The following C2orf76 variants were observed in gnomAD, a reference collection of about 807,000 sequenced individuals.
C2orf76 encodes UPF0538 protein C2orf76.
C2orf76 carries 23 observed loss-of-function variants against 16.9 expected under a neutral mutation model. That is an observed-to-expected ratio of 1.36 (90% CI 0.98 to 1.93). The LOEUF is 1.93. Ranked by LOEUF, C2orf76 falls within the 30% of genes most tolerant of loss-of-function variation. The pLI is 0.00. For missense variants in C2orf76, 152 were observed against 152.6 expected, an observed-to-expected ratio of 1.00 and a Z score of 0.02; for synonymous variants, 48 against 52.3, an observed-to-expected ratio of 0.92 and a Z score of 0.35.
At chr2:119,335,956 C>T (rs921599579) in intron 2 of C2orf76, among the ~76,000 whole-genome samples, 3 of 151,964 alleles carry the variant, frequency 2.0e-5, no homozygotes, top group South Asian at 2.1e-4. Flanking sequence ...TAGTAAGAAT[C>T]GAAATGCTTG....
Position 119,355,636 on chromosome 2 carries a change from C to G in C2orf76, c.-13+11154G>C, listed in dbSNP as rs1368377099. On this transcript the variant is annotated intron_variant, in intron 1 of 5. Transcript: ENST00000334816. Reference sequence around the variant, plus strand: ...ATTAGATTCTCATAGGAGCGTGAACCCTATTGTGAACTGAGCATATGAGGG... The same window carrying G: ...ATTAGATTCTCATAGGAGCGTGAACGCTATTGTGAACTGAGCATATGAGGG... Among the ~76,000 whole-genome samples the G allele has an allele frequency of 2.0e-5, 3 of 152,086 alleles. No individual in the cohort carries two copies. In the South Asian group the frequency reaches 6.2e-4, roughly 32 times the overall value.
At chr2:119,302,076 G>A (rs1185361897), downstream of C2orf76, 1 of 153,014 alleles carries the variant, frequency 6.5e-6, no homozygotes, top group Non-Finnish European at 1.5e-5. Flanking sequence ...GACAGAAACA[G>A]TTGCTCTAAT....
the C2orf76 span, among the ~76,000 whole-genome samples, chr2:119,284,894 T>G: frequency 2.0e-5 from 3 of 152,154 alleles, no homozygotes; most frequent in Non-Finnish European, 2.9e-5. Context: ...GTGAAAAACC[T>G]CTAAAATTTG....
chr2:119,345,511 A>C (rs1680169009), intron 1 of C2orf76, among the ~76,000 whole-genome samples: 1 of 152,210 alleles, frequency 6.6e-6, no homozygotes, highest in Admixed American at 6.5e-5. Flanking sequence ...ATTCACCCTG[A>C]GAAGAGAATC....
chr2:119,301,076 A>AAAAC (rs373214957), downstream of C2orf76, among the ~76,000 whole-genome samples: 102 of 146,238 alleles, frequency 7.0e-4, no homozygotes, highest in African/African-American at 2.5e-3. Flanking sequence ...ACTTCTTAAA[A>AAAAC]ACACACACAC....
At chr2:119,317,560 A>T (rs1679211314) in intron 3 of C2orf76, 57 bp from the exon 4 acceptor site, 1 of 1,411,206 alleles carries the variant, frequency 7.1e-7, no homozygotes, top group Admixed American at 1.8e-5. Flanking sequence ...TTCTTTTCAA[A>T]TTATTAAAAT....
At chr2:119,316,502 A>T (rs1679177776) in intron 4 of C2orf76, among the ~76,000 whole-genome samples, 2 of 152,252 alleles carry the variant, frequency 1.3e-5, no homozygotes, top group African/African-American at 4.8e-5. Context: ...TTTTTAAATA[A>T]CATAAATTTT....
At chr2:119,349,025 G>A (rs1484197625) in intron 1 of C2orf76, among the ~76,000 whole-genome samples, 1 of 152,178 alleles carries the variant, frequency 6.6e-6, no homozygotes, top group Admixed American at 6.5e-5. Context: ...AAAATTGCCT[G>A]TGTACAGTAT....
chr2:119,362,741 A>C (rs138406692), intron 1 of C2orf76, among the ~76,000 whole-genome samples: 1,552 of 152,220 alleles, frequency 0.01, 26 homozygotes, highest in Non-Finnish European at 0.011. Context: ...AGCCTAGGAT[A>C]CTTCCCTATC....
intron 5 of C2orf76, among the ~76,000 whole-genome samples, chr2:119,309,690 G>C (rs1053818327): frequency 5.9e-5 from 9 of 152,002 alleles, no homozygotes; most frequent in Admixed American, 4.6e-4. Context: ...CAAAGTGCTG[G>C]GATTATAGGC....
intron 4 of C2orf76, among the ~76,000 whole-genome samples, chr2:119,312,930 A>C (rs1267302373): frequency 1.3e-5 from 2 of 151,738 alleles, no homozygotes; most frequent in African/African-American, 2.4e-5. Flanking sequence ...CAGGAGGCTG[A>C]GGCAGGAGAA....
At chr2:119,317,643 A>G (rs1679214887) in intron 3 of C2orf76, 140 bp from the exon 4 acceptor site, 1 of 516,802 alleles carries the variant, frequency 1.9e-6, no homozygotes, top group Non-Finnish European at 3.3e-6. Context: ...GAAATATACT[A>G]TACAGCAAAA....
At chr2:119,364,718 T>C (rs986645431) in intron 1 of C2orf76, among the ~76,000 whole-genome samples, 1 of 152,134 alleles carries the variant, frequency 6.6e-6, no homozygotes, top group African/African-American at 2.4e-5. Flanking sequence ...AATTACAACA[T>C]GTTACGGTGG....
chr2:119,343,115 GTC>G (rs1182554495), intron 1 of C2orf76, among the ~76,000 whole-genome samples: 1 of 152,076 alleles, frequency 6.6e-6, no homozygotes, highest in African/African-American at 2.4e-5. Context: ...GGCCTAGAAA[GTC>G]TCTCTGAATC....
the C2orf76 span, among the ~76,000 whole-genome samples, chr2:119,287,432 G>C: frequency 6.6e-6 from 1 of 151,950 alleles, no homozygotes; most frequent in Non-Finnish European, 1.5e-5. Flanking sequence ...CACCGCCCGA[G>C]ACCCTCTCCC....
intron 2 of C2orf76, among the ~76,000 whole-genome samples, chr2:119,322,662 CCAAA>C (rs903141955): frequency 7.2e-5 from 11 of 151,916 alleles, no homozygotes; most frequent in African/African-American, 2.4e-4. Flanking sequence ...CATAATATGC[CCAAA>C]CAATGAAAAA....
At chr2:119,288,834 C>A in the C2orf76 span, among the ~76,000 whole-genome samples, 1 of 151,990 alleles carries the variant, frequency 6.6e-6, no homozygotes, top group Non-Finnish European at 1.5e-5. Flanking sequence ...CTCCCCAGAA[C>A]AAGACACGTG....
At chr2:119,300,722 G>A (rs1160699926), downstream of C2orf76, among the ~76,000 whole-genome samples, 1 of 152,092 alleles carries the variant, frequency 6.6e-6, no homozygotes, top group Admixed American at 6.5e-5. Context: ...GCCTAGAGTT[G>A]GGCAAAATCA....
chr2:119,361,321 TTTA>T (rs759314905), intron 1 of C2orf76, among the ~76,000 whole-genome samples: 6 of 152,190 alleles, frequency 3.9e-5, no homozygotes, highest in Non-Finnish European at 5.9e-5. Context: ...ACTGTTCAAT[TTTA>T]TTATTATTTT....
Sources: allele counts gnomAD v4.1 joint callset (sites outside exome capture counted in the v4.1 genomes callset), GRCh38; gene constraint gnomAD v4.1.1; transcripts MANE v1.5; gene names NCBI Gene and HGNC (gene_info 2026-07-23, HGNC 2026-07-21).